CCSER2: variants seen among roughly 807,000 people sequenced by gnomAD.
CCSER2 encodes coiled-coil serine rich protein 2.
A neutral mutation model predicts 92.3 loss-of-function variants in CCSER2; 46 were observed. That is an observed-to-expected ratio of 0.50 (90% CI 0.39 to 0.64). The LOEUF (loss-of-function observed/expected upper bound fraction) is 0.64. CCSER2 is among the 30% of genes least tolerant of loss of function. The pLI is 0.00. For synonymous variants in CCSER2, 433 were observed against 431.4 expected (o/e 1.00, Z -0.04); for missense variants, 1,244 against 1,238.9 (o/e 1.00, Z -0.06).
intron 1 of CCSER2, among the ~76,000 whole-genome samples, chr10:84,350,850 A>G (rs966943137): frequency 6.6e-6 from 1 of 152,220 alleles, no homozygotes; most frequent in South Asian, 2.1e-4. Context: ...AGGCTAAACC[A>G]TTTATAAGCG....
chr10:84,470,005 T>A (rs1307563563), intron 7 of CCSER2, among the ~76,000 whole-genome samples: 2 of 150,312 alleles, frequency 1.3e-5, no homozygotes, highest in African/African-American at 4.9e-5. Flanking sequence ...GTTGCTTTTT[T>A]GTATGTGATT....
chr10:84,469,819 G>A (rs1846668520), intron 7 of CCSER2, among the ~76,000 whole-genome samples: 1 of 152,060 alleles, frequency 6.6e-6, no homozygotes, highest in African/African-American at 2.4e-5. Context: ...CTCAAAAAGT[G>A]GCTCATGGTC....
intron 3 of CCSER2, among the ~76,000 whole-genome samples, chr10:84,414,688 T>C (rs895929924): frequency 1.2e-4 from 18 of 152,294 alleles, no homozygotes; most frequent in African/African-American, 4.1e-4. Flanking sequence ...AATTTGAATG[T>C]TGGCCTGTCT....
chr10:84,363,940 A>G (rs936455316), intron 1 of CCSER2, among the ~76,000 whole-genome samples: 2 of 152,206 alleles, frequency 1.3e-5, no homozygotes, highest in Admixed American at 1.3e-4. Context: ...GCTATATGGT[A>G]TACTATCTTG....
intron 9 of CCSER2, among the ~76,000 whole-genome samples, chr10:84,489,479 T>C (rs1411931575): frequency 6.6e-6 from 1 of 152,212 alleles, no homozygotes. Flanking sequence ...ATTGATCCCT[T>C]TACCATTATG....
intron 4 of CCSER2, among the ~76,000 whole-genome samples, chr10:84,424,366 A>G (rs976587715): frequency 2.0e-4 from 30 of 152,134 alleles, no homozygotes; most frequent in African/African-American, 7.0e-4. Context: ...TTAAAACATG[A>G]ACAAAAATTC....
chr10:84,413,549 G>A (rs1001566729), intron 3 of CCSER2, among the ~76,000 whole-genome samples: 3 of 152,126 alleles, frequency 2.0e-5, no homozygotes, highest in African/African-American at 7.2e-5. Flanking sequence ...GCTGAGGAGT[G>A]TTTTACTTTT....
chr10:84,410,362 C>T (rs1182727760), intron 3 of CCSER2, among the ~76,000 whole-genome samples: 1 of 152,202 alleles, frequency 6.6e-6, no homozygotes, highest in Admixed American at 6.5e-5. Context: ...AATGGTTGAA[C>T]TAATTTATAC....
chr10:84,455,771 C>A, intron 6 of CCSER2: 1 of 1,115,152 alleles, frequency 9.0e-7, no homozygotes, highest in Admixed American at 1.7e-5. Flanking sequence ...TTGATGAACT[C>A]CAGTTAAGGT....
intron 7 of CCSER2, among the ~76,000 whole-genome samples, chr10:84,464,311 A>G (rs1247767836): frequency 6.6e-6 from 1 of 152,210 alleles, no homozygotes; most frequent in East Asian, 1.9e-4. Flanking sequence ...AATGAAAGTT[A>G]AAATGGTTAT....
Position 84,371,161 on chromosome 10 carries a change from AATTT to A in CCSER2, c.113_116del (p.Leu38Ter). 6.2e-7 allele frequency: 1 copy of A among 1,613,584 alleles called. No homozygotes were observed. The highest frequency in any genetic ancestry group is 8.5e-7 in the Non-Finnish European group (1 of 1,179,724). ...GCCAATGCCAAATGGGACACCTGTT[AATTT>A]ATTAGGAACTTCCAAGAATAGTAAT... On this transcript the variant is annotated frameshift_variant, in exon 2 of 10. Coordinates refer to ENST00000372088, the MANE Select transcript of CCSER2 (RefSeq NM_001284240.2). LOFTEE classifies it high-confidence loss of function.
chr10:84,331,913 TTAA>T (rs1315508879), intron 1 of CCSER2, among the ~76,000 whole-genome samples: 1 of 152,246 alleles, frequency 6.6e-6, no homozygotes, highest in Non-Finnish European at 1.5e-5. Context: ...ATGTCATTTC[TTAA>T]TAATTGGACA....
chr10:84,373,966 G>T, intron 3 of CCSER2, 151 bp downstream of exon 3: 1 of 1,426,486 alleles, frequency 7.0e-7, no homozygotes. Flanking sequence ...TAAAATATCT[G>T]ACTCTAATAT....
intron 6 of CCSER2, among the ~76,000 whole-genome samples, chr10:84,457,437 ATATAAATACATAT>A (rs1326348724): frequency 4.1e-5 from 1 of 24,360 alleles, no homozygotes; most frequent in Non-Finnish European, 7.7e-5. Flanking sequence ...TTATATTTAT[ATATAAATACATAT>A]TATAAAATAT....
At chr10:84,392,751 C>G (rs960099531) in intron 3 of CCSER2, among the ~76,000 whole-genome samples, 1 of 152,018 alleles carries the variant, frequency 6.6e-6, no homozygotes, top group African/African-American at 2.4e-5. Flanking sequence ...CTCCTTTTAC[C>G]TTTTTTGGGG....
At chr10:84,363,745 A>G (rs1465232808) in intron 1 of CCSER2, among the ~76,000 whole-genome samples, 1 of 152,186 alleles carries the variant, frequency 6.6e-6, no homozygotes, top group Admixed American at 6.5e-5. Flanking sequence ...TTCCTCTGAC[A>G]TTAGCCATTC....
rs1849586407 is a variant in CCSER2, at chr10:84,515,980, A to C, written c.*1713A>C. 6.6e-6 allele frequency: 1 copy of C among 152,174 alleles called. No individual in the cohort carries two copies. Among genetic ancestry groups the C allele is most frequent in the Non-Finnish European group, 1.5e-5 (1 of 68,028 alleles). 9.4% of individuals were successfully genotyped at this position (152,174 alleles called of 1,614,324 possible). A position where few individuals can be genotyped will look rare whatever the true frequency, so the allele number is the denominator to read the frequency against. On this transcript the variant is annotated 3_prime_UTR_variant, in exon 10 of 10. Coordinates refer to ENST00000372088, the MANE Select transcript of CCSER2 (RefSeq NM_001284240.2). ...CACCTGCAGCTGCTTTAAATGAATT[A>C]GTATCTTTCAGATAGATAACCTTAC...
intron 1 of CCSER2, among the ~76,000 whole-genome samples, chr10:84,345,318 A>G (rs967090763): frequency 2.7e-4 from 41 of 152,206 alleles, no homozygotes; most frequent in Admixed American, 2.0e-4. Context: ...AAGAATATGG[A>G]CAGGATACCT....
At chr10:84,443,379 C>A in intron 6 of CCSER2, among the ~76,000 whole-genome samples, 1 of 152,004 alleles carries the variant, frequency 6.6e-6, no homozygotes, top group Admixed American at 6.5e-5. Flanking sequence ...ATGCAGCCAA[C>A]AAACATGAAA....
Sources: gnomAD v4.1 joint callset for allele counts (sites outside exome capture counted in the v4.1 genomes callset) on GRCh38, gnomAD v4.1.1 for gene constraint, MANE v1.5 for transcripts, NCBI Gene and HGNC (gene_info 2026-07-23, HGNC 2026-07-21) for gene names.